Variants in TM4SF4 observed in about 807,000 individuals in gnomAD.
The protein encoded by TM4SF4 is transmembrane 4 L6 family member 4.
In TM4SF4, 24 loss-of-function variants were observed where a neutral mutation model predicts 24.1. The ratio of observed to expected loss-of-function variants is 1.00; its 90% CI spans 0.72 to 1.40. TM4SF4 has a LOEUF of 1.40. TM4SF4 is among the 40% of genes most tolerant of loss of function. The pLI is 0.00. For missense variants in TM4SF4, 254 were observed against 254.2 expected, an observed-to-expected ratio of 1.00 and a Z score of 0.01; for synonymous variants, 113 against 97.0, an observed-to-expected ratio of 1.17 and a Z score of -0.97.
At chr3:149,476,944 G>T (rs559691899) in intron 2 of TM4SF4, among the ~76,000 whole-genome samples, 3 of 150,960 alleles carry the variant, frequency 2.0e-5, no homozygotes, top group South Asian at 4.2e-4. Context: ...GGGAGTACAA[G>T]TGTGCCACCC....
intron 2 of TM4SF4, among the ~76,000 whole-genome samples, chr3:149,478,922 C>T (rs1733981619): frequency 6.6e-6 from 1 of 152,098 alleles, no homozygotes; most frequent in South Asian, 2.1e-4. Context: ...TGCCACCATG[C>T]TCGGCTAATT....
chr3:149,478,799 C>T (rs1029641921), intron 2 of TM4SF4, among the ~76,000 whole-genome samples: 1 of 152,150 alleles, frequency 6.6e-6, no homozygotes, highest in Non-Finnish European at 1.5e-5. Flanking sequence ...TCGCTCTTGT[C>T]CCCCAGCAGG....
At chr3:149,482,358 C>A (rs1734047898) in intron 2 of TM4SF4, among the ~76,000 whole-genome samples, 1 of 152,174 alleles carries the variant, frequency 6.6e-6, no homozygotes, top group Non-Finnish European at 1.5e-5. Flanking sequence ...GCCCATAGCA[C>A]AAAAACCGCA....
chr3:149,491,590 T>C (rs1211153289), intron 3 of TM4SF4, among the ~76,000 whole-genome samples: 1 of 148,486 alleles, frequency 6.7e-6, no homozygotes, highest in African/African-American at 2.5e-5. Context: ...CACACACACA[T>C]ATATATATGT....
In TM4SF4 at chr3:149,477,743, G is replaced by A. The variant is rs975251925; in HGVS notation, c.264+1831G>A. On this transcript the variant is annotated intron_variant, in intron 2 of 4. Coordinates refer to ENST00000305354, the MANE Select transcript of TM4SF4 (RefSeq NM_004617.4). ...AATTTAATATAATCATGTAATATAC[G>A]TTTTATATAACAAAGGATATTTTAT... Among the ~76,000 whole-genome samples, 8 of 151,984 alleles carry A rather than the reference G, an allele frequency of 5.3e-5. No individual in the cohort carries two copies. The South Asian group carries it at 1.2e-3, about 24-fold the overall frequency.
intron 2 of TM4SF4, among the ~76,000 whole-genome samples, chr3:149,487,361 C>T (rs1265975412): frequency 6.6e-6 from 1 of 152,148 alleles, no homozygotes; most frequent in East Asian, 1.9e-4. Flanking sequence ...GTTAAAAGGC[C>T]ATGGCTCAAA....
chr3:149,493,993 G>A (rs1003314057), intron 3 of TM4SF4, among the ~76,000 whole-genome samples: 3 of 152,210 alleles, frequency 2.0e-5, no homozygotes, highest in Admixed American at 1.3e-4. Flanking sequence ...ACTTTGATGG[G>A]ATTACTACAG....
chr3:149,478,997 C>T (rs1307686392), intron 2 of TM4SF4, among the ~76,000 whole-genome samples: 5 of 152,174 alleles, frequency 3.3e-5, no homozygotes, highest in Admixed American at 3.3e-4. Context: ...GAACTCCTGA[C>T]CTCAGGTGAT....
chr3:149,494,888 T>C (rs1734283573), intron 3 of TM4SF4: 1 of 153,824 alleles, frequency 6.5e-6, no homozygotes, highest in Admixed American at 6.5e-5. Flanking sequence ...CTGTGGAAGT[T>C]TGAGACCAGC....
At chr3:149,500,725 G>A (rs1051210672) in intron 4 of TM4SF4, among the ~76,000 whole-genome samples, 11 of 152,070 alleles carry the variant, frequency 7.2e-5, no homozygotes, top group Non-Finnish European at 1.3e-4. Context: ...TGATTACTTT[G>A]GCTGGACATG....
In TM4SF4 at chr3:149,480,744, G is replaced by A. The variant is rs1023743370; in HGVS notation, c.264+4832G>A. Among the ~76,000 whole-genome samples the A allele has an allele frequency of 7.3e-5, 11 of 151,538 alleles. 2 individuals are homozygous for A. Among genetic ancestry groups the A allele is most frequent in the Admixed American group, 5.2e-4 (8 of 15,242 alleles). Reference sequence around the variant, plus strand: ...GAAAGACATTTCCTTTAGAGAAATGGAATATATTGAAAGAAAAAAAAATAA... The same window carrying A: ...GAAAGACATTTCCTTTAGAGAAATGAAATATATTGAAAGAAAAAAAAATAA... On this transcript the variant is annotated intron_variant, in intron 2 of 4. Transcript: ENST00000305354.
chr3:149,484,897 C>A (rs1734091120), intron 2 of TM4SF4, among the ~76,000 whole-genome samples: 1 of 152,208 alleles, frequency 6.6e-6, no homozygotes, highest in South Asian at 2.1e-4. Context: ...ACCTTGTTAA[C>A]TATAATATCC....
chr3:149,488,253 T>A (rs1044079443), intron 3 of TM4SF4, among the ~76,000 whole-genome samples: 2 of 152,254 alleles, frequency 1.3e-5, no homozygotes, highest in Admixed American at 1.3e-4. Context: ...CTCATGTTAA[T>A]GTTAATAGAC....
At chr3:149,478,092 T>C (rs1299104618) in intron 2 of TM4SF4, among the ~76,000 whole-genome samples, 1 of 152,218 alleles carries the variant, frequency 6.6e-6, no homozygotes, top group Non-Finnish European at 1.5e-5. Flanking sequence ...ACTTGGTTTT[T>C]AAAATCAGAT....
intron 3 of TM4SF4, among the ~76,000 whole-genome samples, chr3:149,492,054 G>A (rs150764103): frequency 2.0e-5 from 3 of 152,284 alleles, no homozygotes; most frequent in Non-Finnish European, 2.9e-5. Flanking sequence ...TTCTAGTGAT[G>A]TGGAAAGTGA....
At chr3:149,475,094 T>C (rs759521870) in intron 1 of TM4SF4, 43 bp downstream of exon 1, 69 of 1,568,654 alleles carry the variant, frequency 4.4e-5, no homozygotes, top group South Asian at 3.0e-4. Flanking sequence ...AGATTTTCCC[T>C]TCCCCACAAT....
In TM4SF4 at chr3:149,502,961, T is replaced by A; in HGVS notation, c.*268T>A. 5.3e-6 allele frequency: 2 copies of A among 375,612 alleles called. No individual in the cohort carries two copies. Among genetic ancestry groups the A allele is most frequent in the Non-Finnish European group, 4.7e-6 (1 of 210,782 alleles). The allele number at this position is 375,612 out of a possible 1,614,324, so 23.3% of individuals were successfully genotyped here. ...AGAATTTACCAACAGGTTCAAAGCA[T>A]ACTTTTCATGATTTTTTTATTACAA... On this transcript the variant is annotated 3_prime_UTR_variant, in exon 5 of 5. Coordinates refer to ENST00000305354, the MANE Select transcript of TM4SF4 (RefSeq NM_004617.4).
In TM4SF4 at chr3:149,497,805, C is replaced by T. The variant is rs548518920; in HGVS notation, c.402-917C>T. ...GATTACAGGTGCCCACCAGCATGCC[C>T]AGCTAATTTTTGTATTTTTAGAAGA... is the stretch of plus-strand genomic sequence containing the variant. On this transcript the variant is annotated intron_variant, in intron 3 of 4. Coordinates refer to ENST00000305354, the MANE Select transcript of TM4SF4 (RefSeq NM_004617.4). 1.1e-4 allele frequency among the ~76,000 whole-genome samples: 16 copies of T among 152,200 alleles called. No homozygotes were observed. The South Asian group carries it at 2.3e-3, about 22-fold the overall frequency.
At position 149,490,171 on chromosome 3, in the gene TM4SF4, G is replaced by A. The variant is rs963755432; in HGVS notation, c.401+2416G>A. On this transcript the variant is annotated intron_variant, in intron 3 of 4. Coordinates refer to ENST00000305354, the MANE Select transcript of TM4SF4 (RefSeq NM_004617.4). ...GTTACAGGAAGGGCATTCAGGGGAT[G>A]GGCCCAGGTTTCACTGCACCCTCTT... is the stretch of plus-strand genomic sequence containing the variant. Among the ~76,000 whole-genome samples, 8 of 152,330 alleles carry A rather than the reference G, an allele frequency of 5.3e-5. No homozygotes were observed. In the South Asian group the frequency reaches 1.2e-3, roughly 24 times the overall value.
Sources: gnomAD v4.1 joint callset for allele counts (sites outside exome capture counted in the v4.1 genomes callset) on GRCh38, gnomAD v4.1.1 for gene constraint, MANE v1.5 for transcripts, NCBI Gene and HGNC (gene_info 2026-07-23, HGNC 2026-07-21) for gene names.